Variants in FOXP1 observed in about 807,000 individuals in gnomAD.
The protein encoded by FOXP1 is forkhead box protein P1.
Under a neutral mutation model 98.2 loss-of-function variants are expected in FOXP1, and 15 were observed. The observed-to-expected ratio is 0.15, with a 90% CI of 0.10 to 0.24. FOXP1 has a LOEUF of 0.24. FOXP1 is among the 10% of genes least tolerant of loss of function. FOXP1 has a pLI of 1.00. For missense variants in FOXP1, 633 were observed against 848.5 expected (o/e 0.75, Z 3.15); for synonymous variants, 371 against 314.5 (o/e 1.18, Z -1.90).
intron 7 of FOXP1, among the ~76,000 whole-genome samples, chr3:71,088,612 G>C (rs1365619420): frequency 2.0e-5 from 3 of 152,064 alleles, no homozygotes; most frequent in Non-Finnish European, 4.4e-5. Flanking sequence ...ACTTTCACCT[G>C]TCTAGCTAAC....
At chr3:71,016,796 T>G (rs3846030) in intron 11 of FOXP1, among the ~76,000 whole-genome samples, 1 of 151,900 alleles carries the variant, frequency 6.6e-6, no homozygotes, top group African/African-American at 2.4e-5. Flanking sequence ...ACAAATGCCA[T>G]TTGTCCCTGA....
At chr3:71,566,239 A>G (rs2046905097) in intron 2 of FOXP1, among the ~76,000 whole-genome samples, 1 of 152,226 alleles carries the variant, frequency 6.6e-6, no homozygotes, top group South Asian at 2.1e-4. Context: ...CAACCTGCAA[A>G]GCAGCACAGC....
chr3:71,208,172 A>G lies in FOXP1; in HGVS notation c.-11-9780T>C, dbSNP rs143776027. ...GCCTACAGGACAACACGCAAGATAGACACAGTAACACAAAATCCAAGGATT... is the reference window on the plus strand; with the variant it reads ...GCCTACAGGACAACACGCAAGATAGGCACAGTAACACAAAATCCAAGGATT... On this transcript the variant is annotated intron_variant, in intron 5 of 20. Coordinates refer to ENST00000649528, the MANE Select transcript of FOXP1 (RefSeq NM_001349338.3). 9.4e-3 allele frequency among the ~76,000 whole-genome samples: 1,428 copies of G among 152,324 alleles called. 11 individuals carry two copies. Among genetic ancestry groups the G allele is most frequent in the Non-Finnish European group, 0.015 (998 of 68,028 alleles).
At chr3:71,481,533 C>T (rs1366864303) in intron 3 of FOXP1, among the ~76,000 whole-genome samples, 2 of 152,214 alleles carry the variant, frequency 1.3e-5, no homozygotes, top group African/African-American at 2.4e-5. Flanking sequence ...TCCTCTCTCC[C>T]ACTTCCTACC....
In FOXP1 at chr3:71,219,550, C is replaced by T. The variant is rs190327002; in HGVS notation, c.-11-21158G>A. On this transcript the variant is annotated intron_variant, in intron 5 of 20. Transcript: ENST00000649528. ...CCGTAAGTTTTATGAAATCGAAATA[C>T]AGATCAAGTATTTCCAATGAAATTT... Among the ~76,000 whole-genome samples the T allele has an allele frequency of 1.7e-3, 259 of 152,236 alleles. 3 individuals are homozygous for T. Among genetic ancestry groups the T allele is most frequent in the African/African-American group, 5.7e-3 (236 of 41,538 alleles).
At chr3:71,543,904 T>G (rs989077056) in intron 2 of FOXP1, among the ~76,000 whole-genome samples, 1 of 151,768 alleles carries the variant, frequency 6.6e-6, no homozygotes, top group African/African-American at 2.4e-5. Flanking sequence ...TTTGAAGTGG[T>G]TCTCTTTTGA....
At chr3:71,503,675 G>A (rs941391909) in intron 2 of FOXP1, among the ~76,000 whole-genome samples, 1 of 151,284 alleles carries the variant, frequency 6.6e-6, no homozygotes, top group Non-Finnish European at 1.5e-5. Context: ...TCAGTGACTC[G>A]ATGTTATTAT....
At chr3:71,582,450 G>A (rs1358769143) in intron 1 of FOXP1, 2 of 985,362 alleles carry the variant, frequency 2.0e-6, no homozygotes, top group East Asian at 2.3e-4. Context: ...TCGTCTCGGC[G>A]GGACAGGAAT....
At chr3:71,411,977 A>G (rs753525061) in intron 3 of FOXP1, among the ~76,000 whole-genome samples, 8 of 152,206 alleles carry the variant, frequency 5.3e-5, no homozygotes, top group Admixed American at 2.0e-4. Context: ...GTAAAGCCTA[A>G]AAGTCTCAAA....
At chr3:71,088,393 G>GTTTTGTTTTTTTTTTT (rs1553730902) in intron 7 of FOXP1, among the ~76,000 whole-genome samples, 1 of 120,150 alleles carries the variant, frequency 8.3e-6, no homozygotes, top group South Asian at 3.9e-4. Flanking sequence ...ACATTGTTTT[G>GTTTTGTTTTTTTTTTT]TTTTTTGTTT....
At position 71,582,288 on chromosome 3, in the gene FOXP1, AGGGAGGC is replaced by A. The variant is rs768185711; in HGVS notation, c.-446-598_-446-592del. 4.1e-5 allele frequency: 40 copies of A among 978,590 alleles called. No homozygotes were observed. In the East Asian group the frequency reaches 2.5e-3, roughly 62 times the overall value. The allele number at this position is 978,590 out of a possible 1,614,324, so 60.6% of individuals were successfully genotyped here. A position where few individuals can be genotyped will look rare whatever the true frequency, so the allele number is the denominator to read the frequency against. ...CCGAGCGCGACGTTGTCTGAAAAGG[AGGGAGGC>A]GGGAGGCGGGGGCGAGGGAAGGCGG... On this transcript the variant is annotated intron_variant, in intron 1 of 20. Transcript: ENST00000649528.
chr3:71,558,804 T>A (rs1380809007), intron 2 of FOXP1, among the ~76,000 whole-genome samples: 2 of 144,442 alleles, frequency 1.4e-5, no homozygotes, highest in Non-Finnish European at 3.0e-5. Context: ...GATTCTCACT[T>A]TTTTTTTTTT....
At chr3:70,972,489 G>T in intron 18 of FOXP1, 66 bp downstream of exon 18, 1 of 1,604,516 alleles carries the variant, frequency 6.2e-7, no homozygotes, top group Non-Finnish European at 8.5e-7. Context: ...AGCAGCCAAA[G>T]CCTCTACGTT....
intron 17 of FOXP1, among the ~76,000 whole-genome samples, chr3:70,974,065 T>C (rs2036970473): frequency 6.6e-6 from 1 of 152,084 alleles, no homozygotes; most frequent in Non-Finnish European, 1.5e-5. Flanking sequence ...GATGAATTGC[T>C]TGAAAGGAGA....
At chr3:71,468,812 AC>A (rs1017180286) in intron 3 of FOXP1, among the ~76,000 whole-genome samples, 2 of 152,202 alleles carry the variant, frequency 1.3e-5, no homozygotes, top group Non-Finnish European at 2.9e-5. Context: ...TTCACTGCTG[AC>A]ACAAGCATCA....
intron 19 of FOXP1, among the ~76,000 whole-genome samples, chr3:70,967,287 C>T (rs567719975): frequency 3.2e-4 from 48 of 152,276 alleles, no homozygotes; most frequent in Admixed American, 1.5e-3. Context: ...GTATGACAAT[C>T]GCAGCCTCAC....
At chr3:71,515,769 A>G (rs956610286) in intron 2 of FOXP1, among the ~76,000 whole-genome samples, 7 of 152,230 alleles carry the variant, frequency 4.6e-5, no homozygotes, top group African/African-American at 1.4e-4. Flanking sequence ...GTTCAACATA[A>G]GCAAAAACAC....
chr3:71,041,800 G>A (rs2048380369), intron 10 of FOXP1, among the ~76,000 whole-genome samples: 1 of 152,102 alleles, frequency 6.6e-6, no homozygotes, highest in African/African-American at 2.4e-5. Context: ...ACAACAGTAT[G>A]CCTCTAACCA....
intron 4 of FOXP1, among the ~76,000 whole-genome samples, chr3:71,315,621 G>A (rs1004718014): frequency 6.6e-6 from 1 of 152,180 alleles, no homozygotes; most frequent in Non-Finnish European, 1.5e-5. Context: ...ACTCCTCTGG[G>A]AGGGGACTCT....
Sources: allele counts gnomAD v4.1 joint callset (sites outside exome capture counted in the v4.1 genomes callset), GRCh38; gene constraint gnomAD v4.1.1; transcripts MANE v1.5; gene names NCBI Gene and HGNC (gene_info 2026-07-23, HGNC 2026-07-21).